Variants in ZNF521 observed in about 807,000 individuals in gnomAD.
The protein encoded by ZNF521 is LYST-interacting protein 3.
ZNF521 carries 14 observed loss-of-function variants against 105.5 expected under a neutral mutation model. That is an observed-to-expected ratio of 0.13 (90% CI 0.09 to 0.21). ZNF521 has a LOEUF of 0.21. ZNF521 is among the 10% of genes least tolerant of loss of function. The pLI is 1.00. For missense variants in ZNF521, 1,233 were observed against 1,629.7 expected, an observed-to-expected ratio of 0.76 and a Z score of 4.19; for synonymous variants, 635 against 606.0, an observed-to-expected ratio of 1.05 and a Z score of -0.70.
intron 2 of ZNF521, among the ~76,000 whole-genome samples, chr18:25,333,388 G>A (rs1415037337): frequency 6.6e-6 from 1 of 151,566 alleles, no homozygotes; most frequent in Non-Finnish European, 1.5e-5. Context: ...CTCAGAGGGT[G>A]GGCAGAAGGG....
chr18:25,209,493 TC>T (rs1176946132), intron 4 of ZNF521, among the ~76,000 whole-genome samples: 1 of 152,076 alleles, frequency 6.6e-6, no homozygotes, highest in Admixed American at 6.6e-5. Flanking sequence ...TACTACGTTT[TC>T]CCCCCAGTAT....
intron 7 of ZNF521, among the ~76,000 whole-genome samples, chr18:25,081,356 C>A (rs924335632): frequency 9.9e-5 from 15 of 152,262 alleles, no homozygotes; most frequent in Non-Finnish European, 1.9e-4. Context: ...ATAGCGAAAA[C>A]CAGCCATCAA....
At chr18:25,106,118 T>C (rs2034068174) in intron 5 of ZNF521, among the ~76,000 whole-genome samples, 1 of 152,244 alleles carries the variant, frequency 6.6e-6, no homozygotes, top group Admixed American at 6.5e-5. Flanking sequence ...TCAATTTTGC[T>C]CTTATGGGTG....
intron 4 of ZNF521, among the ~76,000 whole-genome samples, chr18:25,207,386 C>T (rs887244492): frequency 2.6e-5 from 4 of 152,128 alleles, no homozygotes; most frequent in African/African-American, 7.2e-5. Context: ...TGCAACTCAT[C>T]GGGGCTCCTC....
intron 3 of ZNF521, among the ~76,000 whole-genome samples, chr18:25,298,150 T>C (rs1462754482): frequency 6.6e-6 from 1 of 152,236 alleles, no homozygotes; most frequent in Non-Finnish European, 1.5e-5. Context: ...GAGCACAGAC[T>C]AGTCTTCAGT....
intron 2 of ZNF521, among the ~76,000 whole-genome samples, chr18:25,338,521 T>C (rs1914026156): frequency 6.6e-6 from 1 of 151,986 alleles, no homozygotes; most frequent in Non-Finnish European, 1.5e-5. Context: ...CAAGTGATCT[T>C]CCCACGTCAG....
intron 4 of ZNF521, among the ~76,000 whole-genome samples, chr18:25,209,323 G>C (rs1222605618): frequency 6.6e-6 from 1 of 151,774 alleles, no homozygotes; most frequent in Non-Finnish European, 1.5e-5. Context: ...GTAGAGACAG[G>C]GTTTCACCAT....
intron 3 of ZNF521, among the ~76,000 whole-genome samples, chr18:25,234,293 A>G (rs1182966632): frequency 1.3e-5 from 2 of 152,194 alleles, no homozygotes; most frequent in South Asian, 2.1e-4. Context: ...TTGAATAATG[A>G]CAGACGTCAC....
At chr18:25,268,991 G>A (rs1018220128) in intron 3 of ZNF521, among the ~76,000 whole-genome samples, 1 of 151,312 alleles carries the variant, frequency 6.6e-6, no homozygotes, top group Non-Finnish European at 1.5e-5. Context: ...TAGCAAATTG[G>A]ATAAAGAGTC....
chr18:25,312,477 C>A (rs1912361788), intron 3 of ZNF521, among the ~76,000 whole-genome samples: 1 of 152,104 alleles, frequency 6.6e-6, no homozygotes, highest in African/African-American at 2.4e-5. Context: ...CTGACCTTAC[C>A]TCCAAAACCG....
In ZNF521 at chr18:25,147,919, C is replaced by T. The variant is rs143283670; in HGVS notation, c.3658+47241G>A. ...GCCGTACCCTGTCCTGACCGAACACCATGCCTGGCTCTACCTGGAATATCT... is the reference window on the plus strand; with the variant it reads ...GCCGTACCCTGTCCTGACCGAACACTATGCCTGGCTCTACCTGGAATATCT... On this transcript the variant is annotated intron_variant, in intron 5 of 7. Transcript: ENST00000361524. 1.8e-4 allele frequency among the ~76,000 whole-genome samples: 28 copies of T among 152,244 alleles called. 1 individual carries two copies. The East Asian group carries it at 5.2e-3, about 28-fold the overall frequency.
intron 5 of ZNF521, 107 bp downstream of exon 5, chr18:25,195,052 GA>G: frequency 1.1e-6 from 1 of 909,390 alleles, no homozygotes; most frequent in Non-Finnish European, 1.7e-6. Context: ...TCATGCCGAG[GA>G]AAAACAATGA....
At chr18:25,186,828 T>G (rs1037460642) in intron 5 of ZNF521, among the ~76,000 whole-genome samples, 4 of 150,624 alleles carry the variant, frequency 2.7e-5, no homozygotes, top group Non-Finnish European at 5.9e-5. Flanking sequence ...GGTACTAGGT[T>G]GATGAATTAA....
rs537625723 is a variant in ZNF521 at position 25,261,849 on chromosome 18, C to T, written c.221-34152G>A. The stretch of plus-strand genomic sequence containing the variant: ...CAATGCCCAGAGTTGCTGAGTCTAA[C>T]CGTAACTTATTACCCACCCCCTGCT... On this transcript the variant is annotated intron_variant, in intron 3 of 7. Transcript: ENST00000361524. 7.9e-5 allele frequency among the ~76,000 whole-genome samples: 12 copies of T among 152,224 alleles called. No individual in the cohort carries two copies. The South Asian group carries it at 2.5e-3, about 32-fold the overall frequency.
chr18:25,174,497 G>T (rs1242234884), intron 5 of ZNF521, among the ~76,000 whole-genome samples: 1 of 152,184 alleles, frequency 6.6e-6, no homozygotes. Flanking sequence ...GAGGGCAGGT[G>T]GGGGAGACAG....
intron 5 of ZNF521, among the ~76,000 whole-genome samples, chr18:25,147,167 A>C (rs920721600): frequency 1.3e-5 from 2 of 152,198 alleles, no homozygotes; most frequent in African/African-American, 4.8e-5. Flanking sequence ...AAAACAAATC[A>C]GTCAACAAAT....
intron 3 of ZNF521, among the ~76,000 whole-genome samples, chr18:25,318,898 C>T (rs1210839288): frequency 6.6e-6 from 1 of 150,500 alleles, no homozygotes; most frequent in East Asian, 2.0e-4. Flanking sequence ...ACATAGTATC[C>T]ATATCTTGGT....
rs1280155029 is a variant in ZNF521, at chr18:25,062,561, T to G, written c.*151A>C. 1 of 1,084,904 alleles carries G rather than the reference T, an allele frequency of 9.2e-7. No individual in the cohort carries two copies. The highest frequency in any genetic ancestry group is 1.3e-6 in the Non-Finnish European group (1 of 743,982). 67.2% of individuals were successfully genotyped at this position (1,084,904 alleles called of 1,614,324 possible). On this transcript the variant is annotated 3_prime_UTR_variant, in exon 8 of 8. Transcript: ENST00000361524. ...TCCGGTGCGCAAAAGTTCAAACACA[T>G]GAACATCCAACAGTTTGATAATACA...
intron 3 of ZNF521, among the ~76,000 whole-genome samples, chr18:25,244,816 C>A (rs867886111): frequency 6.6e-6 from 1 of 152,314 alleles, no homozygotes; most frequent in South Asian, 2.1e-4. Context: ...TCTCCTCACC[C>A]CATTGCTGGG....
Sources: gnomAD v4.1 joint callset for allele counts (sites outside exome capture counted in the v4.1 genomes callset) on GRCh38, gnomAD v4.1.1 for gene constraint, MANE v1.5 for transcripts, NCBI Gene and HGNC (gene_info 2026-07-23, HGNC 2026-07-21) for gene names.